The following AACS variants were observed in gnomAD, a reference collection of about 807,000 sequenced individuals.
AACS encodes acetoacetate-CoA ligase.
A neutral mutation model predicts 83.1 loss-of-function variants in AACS; 69 were observed. That is an observed-to-expected ratio of 0.83 (90% CI 0.68 to 1.01). AACS has a LOEUF of 1.01. AACS is among the 50% of genes least tolerant of loss of function. The probability of loss-of-function intolerance (pLI) is 0.00; values close to 1 mark genes in which losing one functional copy is unlikely to be tolerated. For missense variants in AACS, 866 were observed against 882.2 expected, an observed-to-expected ratio of 0.98 and a Z score of 0.23; for synonymous variants, 333 against 343.4, an observed-to-expected ratio of 0.97 and a Z score of 0.33.
At chr12:125,122,348 A>T (rs1263214389) in intron 10 of AACS, 1 of 152,166 alleles carries the variant, frequency 6.6e-6, no homozygotes, top group Non-Finnish European at 1.5e-5. Context: ...TTAAAAGGGC[A>T]GTGTAGGCCA....
In AACS at chr12:125,136,673, G is replaced by GGA; in HGVS notation, c.1690_1691insGA (p.Glu564GlyfsTer21). 3 of 1,613,716 alleles carry GGA rather than the reference G, an allele frequency of 1.9e-6. No individual in the cohort carries two copies. The highest frequency in any genetic ancestry group is 2.5e-6 in the Non-Finnish European group (3 of 1,179,982). On this transcript the variant is annotated frameshift_variant, in exon 17 of 18. Coordinates refer to ENST00000316519, the MANE Select transcript of AACS (RefSeq NM_023928.5). LOFTEE classifies it high-confidence loss of function. ...TCCTGTCTCCACAGTGGAATCCTTC[G>GGA]AGGAGGTGGAGGACAGCCTGTGTGT...
rs540303574 is a variant in AACS at position 125,071,844 on chromosome 12, C to G, written c.134-2032C>G. Among the ~76,000 whole-genome samples, 96 of 151,968 alleles carry G rather than the reference C, an allele frequency of 6.3e-4. 1 individual carries two copies. The South Asian group carries it at 1.0e-2, about 16-fold the overall frequency. ...CTTAGTGATGCTGTTGGCGAATGCA[C>G]TTTTGTGATACTTTTTTTTGGTTGT... On this transcript the variant is annotated intron_variant, in intron 1 of 17. Coordinates refer to ENST00000316519, the MANE Select transcript of AACS (RefSeq NM_023928.5).
At chr12:125,078,851 C>G (rs1441491430) in intron 3 of AACS, among the ~76,000 whole-genome samples, 1 of 147,456 alleles carries the variant, frequency 6.8e-6, no homozygotes, top group African/African-American at 2.5e-5. Context: ...AAAAAGCCTC[C>G]TCTGCAAGGA....
At chr12:125,135,315 G>A (rs1470849338) in intron 16 of AACS, among the ~76,000 whole-genome samples, 3 of 151,638 alleles carry the variant, frequency 2.0e-5, no homozygotes, top group African/African-American at 7.3e-5. Flanking sequence ...GGCTGGTCTC[G>A]AACTCCTGAC....
At chr12:125,110,122 C>T (rs940079118) in intron 8 of AACS, among the ~76,000 whole-genome samples, 30 of 150,928 alleles carry the variant, frequency 2.0e-4, no homozygotes, top group South Asian at 6.3e-4. Flanking sequence ...CGGGTTCAAG[C>T]GATTCTTGTG....
At chr12:125,117,581 A>G (rs1375526546) in intron 9 of AACS, 2 of 152,198 alleles carry the variant, frequency 1.3e-5, no homozygotes, top group African/African-American at 2.4e-5. Flanking sequence ...TTGTTGGACA[A>G]TGAGGTGGCC....
At chr12:125,095,031 G>T (rs949821637) in intron 5 of AACS, among the ~76,000 whole-genome samples, 2 of 149,346 alleles carry the variant, frequency 1.3e-5, no homozygotes, top group Non-Finnish European at 3.0e-5. Context: ...GTGTCTGTGT[G>T]TGTAAATAGG....
At position 125,097,653 on chromosome 12, in the gene AACS, A is replaced by G. The variant is rs1391212782; in HGVS notation, c.571-5026A>G. On this transcript the variant is annotated intron_variant, in intron 5 of 17. Coordinates refer to ENST00000316519, the MANE Select transcript of AACS (RefSeq NM_023928.5). This position sits in a 1 kb window ranked among gnomAD's most constrained non-coding sequence, Gnocchi z 4.3. ...AGGAAGACCCCTCCTTCCTGTCATG[A>G]CTGTGCATCCTGAGAGCACTTCAGC... Among the ~76,000 whole-genome samples the G allele has an allele frequency of 6.6e-6, 1 of 152,078 alleles. No homozygotes were observed. Among genetic ancestry groups the G allele is most frequent in the African/African-American group, 2.4e-5 (1 of 41,390 alleles).
At chr12:125,110,019 CT>C (rs1956917868) in intron 8 of AACS, among the ~76,000 whole-genome samples, 1 of 138,520 alleles carries the variant, frequency 7.2e-6, no homozygotes, top group South Asian at 2.4e-4. Flanking sequence ...CAATGTGGTG[CT>C]TTGCTTTTTT....
chr12:125,129,017 T>C lies in AACS; in HGVS notation c.1424-318T>C. The C allele has an allele frequency of 4.9e-6, 1 of 205,148 alleles. No individual in the cohort carries two copies. Among genetic ancestry groups the C allele is most frequent in the Non-Finnish European group, 9.8e-6 (1 of 102,344 alleles). 12.7% of individuals were successfully genotyped at this position (205,148 alleles called of 1,614,324 possible). ...GGGACACATAGAAGGACAGCGTGTATGTGTTCAAAGGCATGCAGAGTGACG... is the reference window on the plus strand; with the variant it reads ...GGGACACATAGAAGGACAGCGTGTACGTGTTCAAAGGCATGCAGAGTGACG... On this transcript the variant is annotated intron_variant, in intron 13 of 17. Transcript: ENST00000316519. The surrounding 1 kb of genome is among the most constrained non-coding windows in gnomAD (Gnocchi z 4.3).
intron 13 of AACS, chr12:125,128,805 G>A (rs1957285595): frequency 6.5e-6 from 1 of 154,644 alleles, no homozygotes; most frequent in African/African-American, 2.4e-5. Flanking sequence ...ATGCAAGAAT[G>A]TTTGTAGCGC....
chr12:125,128,104 T>C, intron 12 of AACS, 57 bp from the exon 13 acceptor site: 16 of 1,357,418 alleles, frequency 1.2e-5, no homozygotes, highest in Non-Finnish European at 1.6e-5. Context: ...CTCACTAATT[T>C]AACACAATTT....
chr12:125,134,754 C>A (rs764606210), intron 15 of AACS, 40 bp from the exon 16 acceptor site: 32 of 1,613,134 alleles, frequency 2.0e-5, no homozygotes, highest in Non-Finnish European at 2.5e-5. Flanking sequence ...TGCTTCACTC[C>A]AGAGCTGCGG....
chr12:125,127,970 T>G (rs1593003411), intron 12 of AACS, 191 bp from the exon 13 acceptor site: 2 of 420,390 alleles, frequency 4.8e-6, no homozygotes, highest in South Asian at 6.5e-5. Flanking sequence ...ATGTGGGGGG[T>G]TCATTCTAAT....
chr12:125,074,414 G>A lies in AACS; in HGVS notation c.237+435G>A, dbSNP rs573817168. On this transcript the variant is annotated intron_variant, in intron 2 of 17. Coordinates refer to ENST00000316519, the MANE Select transcript of AACS (RefSeq NM_023928.5). Reference sequence around the variant, plus strand: ...AAAAATAAATTAGCTGGTCGTGGTGGTGCATGCCTGTGGTCCCACCTACTC... The same window carrying A: ...AAAAATAAATTAGCTGGTCGTGGTGATGCATGCCTGTGGTCCCACCTACTC... 8.6e-5 allele frequency among the ~76,000 whole-genome samples: 13 copies of A among 151,996 alleles called. No homozygotes were observed. The South Asian group carries it at 2.7e-3, about 32-fold the overall frequency.
In AACS at chr12:125,129,234, G is replaced by A. The variant is rs186444604; in HGVS notation, c.1424-101G>A. 2,538 of 1,473,700 alleles carry A rather than the reference G, an allele frequency of 1.7e-3. 2 individuals carry two copies. The highest frequency in any genetic ancestry group is 2.2e-3 in the Non-Finnish European group (2,374 of 1,103,962). 91.3% of individuals were successfully genotyped at this position (1,473,700 alleles called of 1,614,324 possible). A position where few individuals can be genotyped will look rare whatever the true frequency, so the allele number is the denominator to read the frequency against. ...CATCTCTGTACCTTTGTATATGTCTGGAATATTGCATAATAAGTAATAGCT... is the reference window on the plus strand; with the variant it reads ...CATCTCTGTACCTTTGTATATGTCTAGAATATTGCATAATAAGTAATAGCT... On this transcript the variant is annotated intron_variant, in intron 13 of 17. Coordinates refer to ENST00000316519, the MANE Select transcript of AACS (RefSeq NM_023928.5). The surrounding 1 kb of genome is among the most constrained non-coding windows in gnomAD (Gnocchi z 4.3).
chr12:125,078,157 G>A (rs1190806680), intron 3 of AACS: 4 of 456,284 alleles, frequency 8.8e-6, no homozygotes, highest in Admixed American at 2.3e-5. Flanking sequence ...AGGCTACAGA[G>A]CAGGGCCTCC....
intron 5 of AACS, among the ~76,000 whole-genome samples, chr12:125,100,536 T>A (rs952098547): frequency 1.3e-5 from 2 of 152,250 alleles, no homozygotes; most frequent in African/African-American, 4.8e-5. Context: ...AATAAACAAA[T>A]GCTTTCTACT....
chr12:125,109,699 G>A (rs35941060), intron 8 of AACS, among the ~76,000 whole-genome samples: 46,690 of 151,996 alleles, frequency 0.31, 7,501 homozygotes, highest in East Asian at 0.55. Context: ...CCCCAGTAGC[G>A]TCCTAGCAGC....
Sources: allele counts gnomAD v4.1 joint callset (sites outside exome capture counted in the v4.1 genomes callset), GRCh38; gene constraint gnomAD v4.1.1; non-coding constraint Gnocchi (gnomAD v3.1); transcripts MANE v1.5; gene names NCBI Gene and HGNC (gene_info 2026-07-23, HGNC 2026-07-21).